Variants in EIF4B observed in about 807,000 individuals in gnomAD.
EIF4B encodes the protein eukaryotic translation initiation factor 4B.
A neutral mutation model predicts 79.3 loss-of-function variants in EIF4B; 8 were observed. That is an observed-to-expected ratio of 0.10 (90% CI 0.06 to 0.18). The LOEUF is 0.18. Among genes scored for constraint, EIF4B ranks in the 10% least tolerant of loss-of-function variants. The pLI, the probability that EIF4B is intolerant of heterozygous loss-of-function variation, is 1.00. For missense variants in EIF4B, 515 were observed against 792.4 expected (o/e 0.65, Z 4.20); for synonymous variants, 238 against 274.7 (o/e 0.87, Z 1.32).
chr12:53,019,473 T>TTTTTTTTTTTA (rs1165717343), intron 3 of EIF4B, among the ~76,000 whole-genome samples: 1 of 137,190 alleles, frequency 7.3e-6, no homozygotes. Flanking sequence ...TTTTTTTTTT[T>TTTTTTTTTTTA]TGAGACAGAG....
chr12:53,037,333 C>T, intron 10 of EIF4B, 76 bp from the exon 11 acceptor site: 1 of 1,503,556 alleles, frequency 6.7e-7, no homozygotes, highest in Non-Finnish European at 9.0e-7. Flanking sequence ...GGACCATTTT[C>T]CACACTGTTG....
chr12:53,015,994 AAGAC>A (rs1332443348), intron 1 of EIF4B, among the ~76,000 whole-genome samples: 31 of 151,978 alleles, frequency 2.0e-4, no homozygotes, highest in African/African-American at 5.5e-4. Flanking sequence ...AAAAAAAAAA[AAGAC>A]AGTTGTGATT....
At chr12:53,033,335 T>TC (rs1943481782) in intron 8 of EIF4B, among the ~76,000 whole-genome samples, 1 of 10,170 alleles carries the variant, frequency 9.8e-5, no homozygotes, top group African/African-American at 1.2e-4. Flanking sequence ...ACCTATTTTC[T>TC]TTTTTTTTTT....
In EIF4B at chr12:53,007,573, A is replaced by G. The variant is rs1343495993; in HGVS notation, c.13+1077A>G. Among the ~76,000 whole-genome samples, 6 of 151,914 alleles carry G rather than the reference A, an allele frequency of 3.9e-5. No individual in the cohort carries two copies. In the East Asian group the frequency reaches 7.7e-4, roughly 19 times the overall value. On this transcript the variant is annotated intron_variant, in intron 1 of 14. Coordinates refer to ENST00000262056, the MANE Select transcript of EIF4B (RefSeq NM_001417.7). ...GCCTTGCAAGTCTAATTACATTTCTAATGGGCTTATAAAAGCAGTGATGAC... is the reference window on the plus strand; with the variant it reads ...GCCTTGCAAGTCTAATTACATTTCTGATGGGCTTATAAAAGCAGTGATGAC...
chr12:53,020,517 G>A (rs1943231281), intron 4 of EIF4B, among the ~76,000 whole-genome samples: 1 of 152,156 alleles, frequency 6.6e-6, no homozygotes, highest in Non-Finnish European at 1.5e-5. Flanking sequence ...TAAATATCTA[G>A]TCCTTCTGCT....
At chr12:53,015,997 A>G (rs943402577) in intron 1 of EIF4B, among the ~76,000 whole-genome samples, 15 of 146,734 alleles carry the variant, frequency 1.0e-4, no homozygotes, top group African/African-American at 3.0e-4. Flanking sequence ...AAAAAAAAAG[A>G]CAGTTGTGAT....
intron 1 of EIF4B, among the ~76,000 whole-genome samples, chr12:53,009,030 A>G (rs904879302): frequency 6.6e-6 from 1 of 152,142 alleles, no homozygotes; most frequent in Non-Finnish European, 1.5e-5. Flanking sequence ...GCAAGACTCC[A>G]TTTCAAAAAA....
intron 1 of EIF4B, among the ~76,000 whole-genome samples, chr12:53,007,048 C>T (rs1443131392): frequency 6.6e-6 from 1 of 152,162 alleles, no homozygotes; most frequent in Non-Finnish European, 1.5e-5. Context: ...GTAGTAGAGA[C>T]GGGCGCGCCT....
At chr12:53,014,160 G>T (rs9705473) in intron 1 of EIF4B, among the ~76,000 whole-genome samples, 1 of 151,682 alleles carries the variant, frequency 6.6e-6, no homozygotes, top group Non-Finnish European at 1.5e-5. Context: ...GGCCGGGCGC[G>T]TTGGCTCACG....
At chr12:53,037,208 T>C (rs1452396635) in intron 10 of EIF4B, among the ~76,000 whole-genome samples, 1 of 152,242 alleles carries the variant, frequency 6.6e-6, no homozygotes, top group Admixed American at 6.5e-5. Flanking sequence ...TTAAGTTGTA[T>C]ACATGGTCAT....
At chr12:53,029,425 G>T (rs1332018646) in intron 8 of EIF4B, among the ~76,000 whole-genome samples, 2 of 149,682 alleles carry the variant, frequency 1.3e-5, no homozygotes, top group African/African-American at 4.9e-5. Flanking sequence ...TGCCAGGCTG[G>T]AGTGCAGTGG....
chr12:53,009,669 C>A (rs993481780), intron 1 of EIF4B, among the ~76,000 whole-genome samples: 4 of 152,132 alleles, frequency 2.6e-5, no homozygotes, highest in Admixed American at 2.0e-4. Context: ...CTGACTCTCA[C>A]AGTGAAATGG....
chr12:53,019,137 G>T (rs1413899525), intron 3 of EIF4B, 131 bp downstream of exon 3: 2 of 1,122,198 alleles, frequency 1.8e-6, no homozygotes, highest in Non-Finnish European at 2.5e-6. Context: ...GGTGGCTCAC[G>T]CCTGTAATCC....
chr12:53,022,792 C>T (rs978311773), intron 6 of EIF4B, among the ~76,000 whole-genome samples, 165 bp downstream of exon 6: 2 of 152,098 alleles, frequency 1.3e-5, no homozygotes, highest in Non-Finnish European at 1.5e-5. Context: ...ATGCAGGAAA[C>T]GAATTTGATA....
chr12:53,034,874 A>G (rs552077528), intron 10 of EIF4B, 165 bp downstream of exon 10: 1 of 697,718 alleles, frequency 1.4e-6, no homozygotes, highest in Non-Finnish European at 2.5e-6. Flanking sequence ...GAATCTGAGG[A>G]ATGGGTACCA....
chr12:53,029,188 T>G (rs1943391628), intron 8 of EIF4B, among the ~76,000 whole-genome samples: 1 of 151,930 alleles, frequency 6.6e-6, no homozygotes, highest in Admixed American at 6.6e-5. Context: ...ATTATAAAGG[T>G]GAGATTTTGG....
intron 6 of EIF4B, among the ~76,000 whole-genome samples, chr12:53,022,901 T>C (rs1943270408): frequency 6.6e-6 from 1 of 152,160 alleles, no homozygotes; most frequent in African/African-American, 2.4e-5. Context: ...CTGGGCATGG[T>C]GGCTATAATC....
intron 6 of EIF4B, among the ~76,000 whole-genome samples, chr12:53,026,407 T>TG (rs1328269798): frequency 2.0e-5 from 3 of 152,184 alleles, no homozygotes; most frequent in African/African-American, 7.2e-5. Context: ...GAAATGCACA[T>TG]GTGTGTGTAA....
chr12:53,027,896 G>A lies in EIF4B; in HGVS notation c.782G>A (p.Arg261Gln), dbSNP rs760202892. Residue 261 changes from arginine (R) to glutamine (Q), a missense_variant, in exon 7 of 15, where the codon CGA becomes CAA. Arg to Gln is a conservative substitution (Grantham distance 43, BLOSUM62 1). Coordinates refer to ENST00000262056, the MANE Select transcript of EIF4B (RefSeq NM_001417.7). Reference protein sequence around the residue: ...RYGGRDRYDDRGSRDYDRGYD... With the variant: ...RYGGRDRYDDQGSRDYDRGYD... Reference sequence around the variant, plus strand: ...GGTGGCCGGGATCGCTATGATGACCGAGGCAGCAGAGACTATGATAGAGGT... The same window carrying A: ...GGTGGCCGGGATCGCTATGATGACCAAGGCAGCAGAGACTATGATAGAGGT... 5.6e-6 allele frequency: 9 copies of A among 1,614,240 alleles called. No homozygotes were observed. The highest frequency in any genetic ancestry group is 1.7e-5 in the Admixed American group (1 of 60,020).
Sources: gnomAD v4.1 joint callset for allele counts (sites outside exome capture counted in the v4.1 genomes callset) on GRCh38, gnomAD v4.1.1 for gene constraint, MANE v1.5 for transcripts, NCBI Gene and HGNC (gene_info 2026-07-23, HGNC 2026-07-21) for gene names.